Variants in DIP2B observed in about 807,000 individuals in gnomAD.
DIP2B encodes the protein DIP2 acetate--CoA ligase B (putative), also known as disco-interacting protein 2 homolog B.
Under a neutral mutation model 198.0 loss-of-function variants are expected in DIP2B, and 76 were observed. The observed-to-expected ratio is 0.38, with a 90% CI of 0.32 to 0.46. The LOEUF (loss-of-function observed/expected upper bound fraction) is 0.46. Ranked by LOEUF, DIP2B falls within the 20% of genes least tolerant of loss-of-function variation. The pLI is 0.99. For missense variants in DIP2B, 1,559 were observed against 1,978.4 expected, an observed-to-expected ratio of 0.79 and a Z score of 4.02; for synonymous variants, 701 against 739.1, an observed-to-expected ratio of 0.95 and a Z score of 0.84.
At chr12:50,639,172 C>T (rs1406172416) in intron 2 of DIP2B, among the ~76,000 whole-genome samples, 1 of 151,342 alleles carries the variant, frequency 6.6e-6, no homozygotes, top group African/African-American at 2.4e-5. Flanking sequence ...TCACTGCAAC[C>T]TCTGCCTCCA....
chr12:50,592,635 G>T (rs1313768282), intron 1 of DIP2B, among the ~76,000 whole-genome samples: 1 of 151,862 alleles, frequency 6.6e-6, no homozygotes, highest in Non-Finnish European at 1.5e-5. Context: ...ACGCCACTAC[G>T]CCTGGCTAAT....
chr12:50,652,750 T>C (rs137860681), intron 3 of DIP2B, among the ~76,000 whole-genome samples: 1 of 152,316 alleles, frequency 6.6e-6, no homozygotes, highest in African/African-American at 2.4e-5. Context: ...TTCCAGTCCA[T>C]GAACACAGGA....
chr12:50,724,489 A>C (rs1453383262), intron 27 of DIP2B, among the ~76,000 whole-genome samples: 1 of 152,152 alleles, frequency 6.6e-6, no homozygotes, highest in East Asian at 1.9e-4. Flanking sequence ...AAATCTTGGG[A>C]TTGTGGGATC....
chr12:50,684,702 G>A (rs528070521), intron 10 of DIP2B, among the ~76,000 whole-genome samples: 4 of 152,308 alleles, frequency 2.6e-5, no homozygotes, highest in African/African-American at 7.2e-5. Context: ...TGAGGCAGGA[G>A]AATCGCTTGA....
At chr12:50,729,921 T>C (rs1940008489) in intron 30 of DIP2B, among the ~76,000 whole-genome samples, 1 of 151,684 alleles carries the variant, frequency 6.6e-6, no homozygotes, top group African/African-American at 2.4e-5. Context: ...CAGCGTTTCG[T>C]CATGTTGCCC....
chr12:50,645,275 G>A (rs1023114439), intron 3 of DIP2B, among the ~76,000 whole-genome samples: 1 of 151,982 alleles, frequency 6.6e-6, no homozygotes, highest in African/African-American at 2.4e-5. Context: ...CTACTTCTAG[G>A]AATTCATTTT....
chr12:50,627,035 T>G (rs1302259848), intron 2 of DIP2B, among the ~76,000 whole-genome samples: 1 of 152,178 alleles, frequency 6.6e-6, no homozygotes, highest in African/African-American at 2.4e-5. Flanking sequence ...TCTCAATGAA[T>G]AGGTGTATGT....
intron 3 of DIP2B, among the ~76,000 whole-genome samples, chr12:50,648,474 C>T (rs1448050419): frequency 1.3e-5 from 2 of 152,164 alleles, no homozygotes; most frequent in Non-Finnish European, 2.9e-5. Context: ...CGCCATTCTC[C>T]TGCCTCAGCC....
chr12:50,727,183 A>G (rs2139593366), intron 28 of DIP2B, among the ~76,000 whole-genome samples: 1 of 152,348 alleles, frequency 6.6e-6, no homozygotes, highest in Non-Finnish European at 1.5e-5. Flanking sequence ...TCCATACATG[A>G]TTAATATAAC....
chr12:50,650,028 A>G (rs571770466), intron 3 of DIP2B, among the ~76,000 whole-genome samples: 9 of 152,072 alleles, frequency 5.9e-5, no homozygotes, highest in Non-Finnish European at 1.0e-4. Flanking sequence ...GGCCAACATG[A>G]TGAAACCGCA....
chr12:50,593,706 C>T (rs1958840996), intron 1 of DIP2B, among the ~76,000 whole-genome samples: 1 of 46,804 alleles, frequency 2.1e-5, no homozygotes, highest in Non-Finnish European at 4.0e-5. Flanking sequence ...CTCTCCTCTC[C>T]CCTCCTCTCC....
At chr12:50,570,789 T>A (rs1020175935) in intron 1 of DIP2B, among the ~76,000 whole-genome samples, 2 of 152,092 alleles carry the variant, frequency 1.3e-5, no homozygotes, top group African/African-American at 4.8e-5. Flanking sequence ...AAACAAATAA[T>A]TTTTTTTACA....
At chr12:50,557,001 C>A (rs1052622970) in intron 1 of DIP2B, among the ~76,000 whole-genome samples, 1 of 152,072 alleles carries the variant, frequency 6.6e-6, no homozygotes, top group Admixed American at 6.6e-5. Context: ...TGAGTCACCG[C>A]GCCCGGTGCA....
intron 19 of DIP2B, among the ~76,000 whole-genome samples, chr12:50,700,527 A>G (rs1201407645): frequency 4.6e-5 from 7 of 152,230 alleles, no homozygotes; most frequent in Non-Finnish European, 7.3e-5. Context: ...ATGTGATTAC[A>G]TACTAACAGA....
chr12:50,596,594 C>T (rs533218800), intron 1 of DIP2B, among the ~76,000 whole-genome samples: 4 of 152,256 alleles, frequency 2.6e-5, no homozygotes, highest in African/African-American at 7.2e-5. Flanking sequence ...GGCCAGGTGC[C>T]GTCACTGACA....
At chr12:50,610,727 T>C (rs1329860449) in intron 1 of DIP2B, among the ~76,000 whole-genome samples, 1 of 152,018 alleles carries the variant, frequency 6.6e-6, no homozygotes, top group African/African-American at 2.4e-5. Flanking sequence ...AGGATGGTCT[T>C]GATCACCTGA....
chr12:50,531,977 G>A (rs1180373940), intron 1 of DIP2B, among the ~76,000 whole-genome samples: 1 of 152,146 alleles, frequency 6.6e-6, no homozygotes, highest in Non-Finnish European at 1.5e-5. Flanking sequence ...AGAGGTCTTG[G>A]GGAGGAGGAA....
intron 3 of DIP2B, among the ~76,000 whole-genome samples, chr12:50,642,683 G>A (rs1234791295): frequency 1.3e-5 from 2 of 152,192 alleles, no homozygotes; most frequent in Non-Finnish European, 2.9e-5. Context: ...CAGCTCCTCG[G>A]GAGGCTGAGG....
intron 3 of DIP2B, among the ~76,000 whole-genome samples, chr12:50,651,902 A>G (rs1319573275): frequency 1.3e-4 from 19 of 151,918 alleles, no homozygotes; most frequent in Admixed American, 1.2e-3. Flanking sequence ...AATAAAGGCC[A>G]GGTGCGGTGG....
Sources: allele counts gnomAD v4.1 joint callset (sites outside exome capture counted in the v4.1 genomes callset), GRCh38; gene constraint gnomAD v4.1.1; transcripts MANE v1.5; gene names NCBI Gene and HGNC (gene_info 2026-07-23, HGNC 2026-07-21).